Variants in CMC2 observed in about 807,000 individuals in gnomAD.
The protein encoded by CMC2 is C-X9-C motif containing 2, also known as COX assembly mitochondrial protein 2 homolog.
A neutral mutation model predicts 7.5 loss-of-function variants in CMC2; 5 were observed. The ratio of observed to expected loss-of-function variants is 0.66; its 90% CI spans 0.35 to 1.40. The LOEUF is 1.40. Ranked by LOEUF, CMC2 falls within the 40% of genes most tolerant of loss-of-function variation. The probability of loss-of-function intolerance (pLI) is 0.04; values close to 1 mark genes in which losing one functional copy is unlikely to be tolerated. For synonymous variants in CMC2, 37 were observed against 31.4 expected (o/e 1.18, Z -0.60); for missense variants, 115 against 92.3 (o/e 1.25, Z -1.01).
chr16:80,999,496 A>G (rs894821101), intron 1 of CMC2, among the ~76,000 whole-genome samples: 2 of 152,226 alleles, frequency 1.3e-5, no homozygotes, highest in Non-Finnish European at 2.9e-5. Flanking sequence ...TGCCCAAAGC[A>G]ATCTACATAT....
chr16:80,979,907 CCACCA>C (rs1415181375), intron 3 of CMC2, among the ~76,000 whole-genome samples: 1 of 152,062 alleles, frequency 6.6e-6, no homozygotes, highest in Non-Finnish European at 1.5e-5. Flanking sequence ...TAGGCGTGGG[CCACCA>C]CACCCGGCCA....
At position 80,971,884 on chromosome 16, in the gene CMC2, T is replaced by G. The variant is rs1245333549; in HGVS notation, c.*4209A>C. 6.6e-6 allele frequency: 1 copy of G among 152,140 alleles called. No individual in the cohort carries two copies. Among genetic ancestry groups the G allele is most frequent in the African/African-American group, 2.4e-5 (1 of 41,408 alleles). 9.4% of individuals were successfully genotyped at this position (152,140 alleles called of 1,614,324 possible). On this transcript the variant is annotated 3_prime_UTR_variant, in exon 4 of 4. Transcript: ENST00000219400. ...ACCACAAAAAAGGTCCTTTACAGGATTTGGGCAATCTTCCCTTTTGCTCAC... is the reference window on the plus strand; with the variant it reads ...ACCACAAAAAAGGTCCTTTACAGGAGTTGGGCAATCTTCCCTTTTGCTCAC...
intron 2 of CMC2, among the ~76,000 whole-genome samples, chr16:80,994,020 T>G (rs1968215427): frequency 6.6e-6 from 1 of 152,142 alleles, no homozygotes; most frequent in South Asian, 2.1e-4. Context: ...TGAAACAGAC[T>G]AGAGAGCCCA....
chr16:81,004,354 A>C (rs1286057370), intron 1 of CMC2, among the ~76,000 whole-genome samples: 1 of 152,224 alleles, frequency 6.6e-6, no homozygotes, highest in African/African-American at 2.4e-5. Flanking sequence ...ATTTGAATAG[A>C]ATAATATTTA....
In CMC2 at chr16:80,966,942, T is replaced by C. The variant is rs1486086101; in HGVS notation, c.*9151A>G. 6.6e-6 allele frequency: 1 copy of C among 152,226 alleles called. No individual in the cohort carries two copies. Among genetic ancestry groups the C allele is most frequent in the Non-Finnish European group, 1.5e-5 (1 of 68,036 alleles). 9.4% of individuals were successfully genotyped at this position (152,226 alleles called of 1,614,324 possible). The stretch of plus-strand genomic sequence containing the variant: ...GTAGACATATAGAGCCCGTCTTATT[T>C]TAATTACATCCAACAATGTACCTAT... On this transcript the variant is annotated 3_prime_UTR_variant, in exon 4 of 4. Transcript: ENST00000219400.
At position 80,970,052 on chromosome 16, in the gene CMC2, A is replaced by G. The variant is rs1442670611; in HGVS notation, c.*6041T>C. The G allele has an allele frequency of 6.6e-6, 1 of 152,186 alleles. No homozygotes were observed. The highest frequency in any genetic ancestry group is 1.5e-5 in the Non-Finnish European group (1 of 68,030). The allele number at this position is 152,186 out of a possible 1,614,324, so 9.4% of individuals were successfully genotyped here. On this transcript the variant is annotated 3_prime_UTR_variant, in exon 4 of 4. Transcript: ENST00000219400. ...TTATTGTTTATATAATGAAGATTAA[A>G]AGGACAGTGTAGTAAGCAATGACAG... is the stretch of plus-strand genomic sequence containing the variant.
chr16:80,979,090 A>T (rs7202611), intron 3 of CMC2, among the ~76,000 whole-genome samples: 6 of 151,996 alleles, frequency 3.9e-5, no homozygotes, highest in South Asian at 2.1e-4. Context: ...AAAAAAATAA[A>T]AAAATAAAAA....
chr16:80,984,934 TCTTATA>T (rs1458804237), intron 2 of CMC2, among the ~76,000 whole-genome samples: 1 of 152,208 alleles, frequency 6.6e-6, no homozygotes, highest in African/African-American at 2.4e-5. Context: ...GCTACAATTT[TCTTATA>T]CTTACATGGA....
Position 80,968,497 on chromosome 16 carries a change from T to C in CMC2, c.*7596A>G, listed in dbSNP as rs1911704439. 6.6e-6 allele frequency: 1 copy of C among 152,150 alleles called. No homozygotes were observed. The highest frequency in any genetic ancestry group is 1.5e-5 in the Non-Finnish European group (1 of 68,042). The allele number at this position is 152,150 out of a possible 1,614,324, so 9.4% of individuals were successfully genotyped here. On this transcript the variant is annotated 3_prime_UTR_variant, in exon 4 of 4. Coordinates refer to ENST00000219400, the MANE Select transcript of CMC2 (RefSeq NM_020188.5). ...GAACAGAAGATGCTCTTATAACTCC[T>C]CTCTTTGCCATGCCCTCCCCAACTC...
Position 80,970,887 on chromosome 16 carries a change from C to T in CMC2, c.*5206G>A, listed in dbSNP as rs1164605113. ...TAATTTTAAAAATACCCCTTAGACACAAATCTAGCAAAAGATGTATAAGAA... is the reference window on the plus strand; with the variant it reads ...TAATTTTAAAAATACCCCTTAGACATAAATCTAGCAAAAGATGTATAAGAA... On this transcript the variant is annotated 3_prime_UTR_variant, in exon 4 of 4. Transcript: ENST00000219400. 6.6e-6 allele frequency: 1 copy of T among 152,102 alleles called. No individual in the cohort carries two copies. Among genetic ancestry groups the T allele is most frequent in the Non-Finnish European group, 1.5e-5 (1 of 68,024 alleles). 9.4% of individuals were successfully genotyped at this position (152,102 alleles called of 1,614,324 possible).
rs1597198827 is a variant in CMC2 at position 80,966,990 on chromosome 16, A to C, written c.*9103T>G. 6.6e-6 allele frequency: 1 copy of C among 152,228 alleles called. No individual in the cohort carries two copies. The highest frequency in any genetic ancestry group is 6.5e-5 in the Admixed American group (1 of 15,284). The allele number at this position is 152,228 out of a possible 1,614,324, so 9.4% of individuals were successfully genotyped here. A position where few individuals can be genotyped will look rare whatever the true frequency, so the allele number is the denominator to read the frequency against. On this transcript the variant is annotated 3_prime_UTR_variant, in exon 4 of 4. Coordinates refer to ENST00000219400, the MANE Select transcript of CMC2 (RefSeq NM_020188.5). The stretch of plus-strand genomic sequence containing the variant: ...TATCAAGTGATCTACAGAAAAAGAA[A>C]ATGTAAATTTTAAAGTCCTTTGGGC...
In CMC2 at chr16:80,966,759, G is replaced by A. The variant is rs908324207; in HGVS notation, c.*9334C>T. On this transcript the variant is annotated 3_prime_UTR_variant, in exon 4 of 4. Transcript: ENST00000219400. ...AACTTGACATGTACTCGAGTTATTT[G>A]TTTCAGCTTGTTTTCAAGTTTTAGG... The A allele has an allele frequency of 3.3e-5, 5 of 151,966 alleles. No individual in the cohort carries two copies. Among genetic ancestry groups the A allele is most frequent in the African/African-American group, 9.7e-5 (4 of 41,376 alleles). The allele number at this position is 151,966 out of a possible 1,614,324, so 9.4% of individuals were successfully genotyped here.
rs1172966525 is a variant in CMC2, at chr16:80,973,314, A to G, written c.*2779T>C. 1 of 152,158 alleles carries G rather than the reference A, an allele frequency of 6.6e-6. No homozygotes were observed. Among genetic ancestry groups the G allele is most frequent in the Non-Finnish European group, 1.5e-5 (1 of 68,036 alleles). The allele number at this position is 152,158 out of a possible 1,614,324, so 9.4% of individuals were successfully genotyped here. On this transcript the variant is annotated 3_prime_UTR_variant, in exon 4 of 4. Transcript: ENST00000219400. ...GCTGGGGCCCCACTCAAACGGTATC[A>G]GCCCTAGTGATTTGGTGCCTTCTAC...
At chr16:81,005,405 C>A (rs1266394258) in intron 1 of CMC2, among the ~76,000 whole-genome samples, 2 of 150,774 alleles carry the variant, frequency 1.3e-5, no homozygotes, top group African/African-American at 4.9e-5. Flanking sequence ...AAACAAGACG[C>A]CGTCTCAAAA....
chr16:80,982,023 C>T (rs1822758995), intron 2 of CMC2, 146 bp from the exon 3 acceptor site: 2 of 550,956 alleles, frequency 3.6e-6, no homozygotes, highest in Admixed American at 7.0e-5. Context: ...GTATAAAACA[C>T]AGTTGGCCCT....
chr16:80,987,337 A>G (rs889376099), intron 2 of CMC2, among the ~76,000 whole-genome samples: 1 of 152,228 alleles, frequency 6.6e-6, no homozygotes, highest in African/African-American at 2.4e-5. Context: ...TAAATGGTGG[A>G]AAAACCCAGT....
intron 2 of CMC2, among the ~76,000 whole-genome samples, chr16:80,985,179 T>C (rs989081866): frequency 6.6e-6 from 1 of 152,060 alleles, no homozygotes; most frequent in Admixed American, 6.5e-5. Flanking sequence ...GTTCTCAAAG[T>C]GCAGTCCAGA....
chr16:80,990,761 C>G (rs897205140), intron 2 of CMC2, among the ~76,000 whole-genome samples: 1 of 152,098 alleles, frequency 6.6e-6, no homozygotes, highest in African/African-American at 2.4e-5. Flanking sequence ...CTCTGTCACC[C>G]AGGCTGGAAT....
rs1912280663 is a variant in CMC2, at chr16:80,976,042, C to G, written c.*51G>C. 9.8e-7 allele frequency: 1 copy of G among 1,020,658 alleles called. No individual in the cohort carries two copies. Among genetic ancestry groups the G allele is most frequent in the African/African-American group, 1.6e-5 (1 of 62,984 alleles). The allele number at this position is 1,020,658 out of a possible 1,614,324, so 63.2% of individuals were successfully genotyped here. ...AAGACAGGATTCTTTCAGGTATCAACCCAGAGTCTTTAGGTCTTCTCTCAG... is the reference window on the plus strand; with the variant it reads ...AAGACAGGATTCTTTCAGGTATCAAGCCAGAGTCTTTAGGTCTTCTCTCAG... On this transcript the variant is annotated 3_prime_UTR_variant, in exon 4 of 4. Transcript: ENST00000219400.
Sources: allele counts gnomAD v4.1 joint callset (sites outside exome capture counted in the v4.1 genomes callset), GRCh38; gene constraint gnomAD v4.1.1; transcripts MANE v1.5; gene names NCBI Gene and HGNC (gene_info 2026-07-23, HGNC 2026-07-21).